QRICH1: variants seen among roughly 807,000 people sequenced by gnomAD.
The protein encoded by QRICH1 is transcriptional regulator QRICH1.
In QRICH1, 16 loss-of-function variants were observed where a neutral mutation model predicts 87.1. That is an observed-to-expected ratio of 0.18 (90% confidence interval 0.12 to 0.28). The LOEUF is 0.28. QRICH1 is among the 10% of genes least tolerant of loss of function. The pLI is 1.00. For missense variants in QRICH1, 647 were observed against 951.7 expected, an observed-to-expected ratio of 0.68 and a Z score of 4.21; for synonymous variants, 367 against 368.4, an observed-to-expected ratio of 1.00 and a Z score of 0.05.
At chr3:49,053,345 G>A (rs1020306367) in intron 3 of QRICH1, among the ~76,000 whole-genome samples, 5 of 151,852 alleles carry the variant, frequency 3.3e-5, no homozygotes, top group African/African-American at 7.3e-5. Context: ...AAAATTAGCC[G>A]GGTGTGGTGG....
intron 2 of QRICH1, among the ~76,000 whole-genome samples, chr3:49,071,866 TACTTTTG>T (rs2041837583): frequency 6.6e-6 from 1 of 152,152 alleles, no homozygotes. Flanking sequence ...TTAATTTTTG[TACTTTTG>T]TACAGACAGG....
intron 6 of QRICH1, among the ~76,000 whole-genome samples, chr3:49,042,469 A>AT (rs1331492598): frequency 6.6e-6 from 1 of 152,222 alleles, no homozygotes; most frequent in Admixed American, 6.5e-5. Context: ...CACATGCCGA[A>AT]TTATTCCAAC....
intron 6 of QRICH1, among the ~76,000 whole-genome samples, chr3:49,040,522 T>C (rs919440221): frequency 6.6e-6 from 1 of 152,224 alleles, no homozygotes; most frequent in African/African-American, 2.4e-5. Flanking sequence ...CTTACTATAG[T>C]GCAAGCTCCA....
At chr3:49,078,434 GC>G (rs1440576114) in intron 1 of QRICH1, among the ~76,000 whole-genome samples, 3 of 98,072 alleles carry the variant, frequency 3.1e-5, no homozygotes, top group African/African-American at 1.2e-4. Flanking sequence ...TCATTCTGTT[GC>G]CCAGGCTGGA....
chr3:49,051,967 T>C (rs2093373715), intron 3 of QRICH1, among the ~76,000 whole-genome samples: 2 of 152,196 alleles, frequency 1.3e-5, no homozygotes, highest in Non-Finnish European at 2.9e-5. Context: ...AAGCTACTCA[T>C]ACAGAGTATT....
chr3:49,092,857 T>C (rs923231399), intron 1 of QRICH1, among the ~76,000 whole-genome samples: 3 of 152,214 alleles, frequency 2.0e-5, no homozygotes, highest in Admixed American at 1.3e-4. Flanking sequence ...AAAGCACTGA[T>C]TCTCAGGTTG....
rs1236702036 is a variant in QRICH1 at position 49,032,715 on chromosome 3, G to T, written c.1954C>A (p.Arg652=). 1 of 1,611,400 alleles carries T rather than the reference G, an allele frequency of 6.2e-7. No individual in the cohort carries two copies. Among genetic ancestry groups the T allele is most frequent in the African/African-American group, 1.3e-5 (1 of 74,868 alleles). ...HMKLAFSKVL[R]QTKKNPSNPK... is the part of the protein sequence containing the mutation. ...TTAGAGGGGTTCTTCTTTGTCTGTC[G>T]CAAGACCTTGGAGAAGGCCAGCTTC... Residue 652 remains arginine, a synonymous_variant, in exon 8 of 10, where the codon CGA becomes AGA. Transcript: ENST00000395443.
intron 2 of QRICH1, among the ~76,000 whole-genome samples, chr3:49,058,544 T>C (rs1168908526): frequency 6.6e-6 from 1 of 152,170 alleles, no homozygotes; most frequent in Non-Finnish European, 1.5e-5. Context: ...CAAGCTAATC[T>C]TGAACTCCTG....
intron 3 of QRICH1, among the ~76,000 whole-genome samples, chr3:49,049,686 C>G (rs946781697): frequency 6.6e-6 from 1 of 151,206 alleles, no homozygotes; most frequent in Non-Finnish European, 1.5e-5. Context: ...TTAGTAGAGA[C>G]GGGGTTTCAC....
In QRICH1 at chr3:49,057,667, T is replaced by C. The variant is rs2106906635; in HGVS notation, c.533A>G (p.Gln178Arg). ...QIQVQHVQAA[Q>R]QIQAAEIPEE... ...CGGGATTTCTGCAGCCTGGATCTGC[T>C]GGGCTGCTTGCACGTGCTGCACCTG... Residue 178 changes from glutamine (Q) to arginine (R), a missense_variant, in exon 3 of 10, where the codon CAG becomes CGG. Coordinates refer to ENST00000395443, the MANE Select transcript of QRICH1 (RefSeq NM_198880.3). This position sits in a 1 kb window ranked among gnomAD's most constrained non-coding sequence, Gnocchi z 5.4. 1 of 1,614,204 alleles carries C rather than the reference T, an allele frequency of 6.2e-7. No individual in the cohort carries two copies. Among genetic ancestry groups the C allele is most frequent in the African/African-American group, 1.3e-5 (1 of 75,066 alleles).
In QRICH1 at chr3:49,032,699, T is replaced by C. The variant is rs536476659; in HGVS notation, c.1970A>G (p.Asn657Ser). 5.0e-6 allele frequency: 8 copies of C among 1,612,682 alleles called. No individual in the cohort carries two copies. In the Admixed American group the frequency reaches 6.7e-5, roughly 14 times the overall value. Residue 657 changes from asparagine (N) to serine (S), a missense_variant, in exon 8 of 10, where the codon AAC (asparagine) becomes AGC (serine). Asn to Ser is a conservative substitution (Grantham distance 46, BLOSUM62 1). Coordinates refer to ENST00000395443, the MANE Select transcript of QRICH1 (RefSeq NM_198880.3). ...GCTTTTATCCTTGGGATTAGAGGGG[T>C]TCTTCTTTGTCTGTCGCAAGACCTT... The part of the protein sequence containing the change: ...FSKVLRQTKK[N>S]PSNPKDKSTS...
intron 1 of QRICH1, among the ~76,000 whole-genome samples, chr3:49,081,521 G>A (rs1260492033): frequency 6.6e-6 from 1 of 151,994 alleles, no homozygotes; most frequent in Non-Finnish European, 1.5e-5. Context: ...GGTTTCTTTA[G>A]ACAAGGTCTT....
At chr3:49,081,499 T>C (rs2042058843) in intron 1 of QRICH1, among the ~76,000 whole-genome samples, 1 of 152,094 alleles carries the variant, frequency 6.6e-6, no homozygotes, top group Non-Finnish European at 1.5e-5. Context: ...ACACCCCTGA[T>C]TTTTTGTTGT....
At chr3:49,064,778 G>T (rs1006033716) in intron 2 of QRICH1, among the ~76,000 whole-genome samples, 2 of 152,138 alleles carry the variant, frequency 1.3e-5, no homozygotes, top group Admixed American at 6.6e-5. Flanking sequence ...CACTTTGGGA[G>T]GCCAAGGCAG....
intron 5 of QRICH1, among the ~76,000 whole-genome samples, chr3:49,044,948 G>C (rs1157885199): frequency 2.0e-5 from 3 of 151,994 alleles, no homozygotes; most frequent in African/African-American, 7.3e-5. Context: ...ATAGTACTTA[G>C]GTTAGGACCA....
chr3:49,072,254 G>A (rs995821200), intron 2 of QRICH1, among the ~76,000 whole-genome samples: 5 of 152,178 alleles, frequency 3.3e-5, no homozygotes, highest in Admixed American at 3.3e-4. Flanking sequence ...CTGCACTCTA[G>A]TCTGGGCAAC....
chr3:49,038,755 C>T (rs560877388), intron 6 of QRICH1, among the ~76,000 whole-genome samples: 3 of 152,252 alleles, frequency 2.0e-5, no homozygotes, highest in East Asian at 1.9e-4. Context: ...AGCCGGGCTC[C>T]GTAGTTCACG....
intron 2 of QRICH1, among the ~76,000 whole-genome samples, chr3:49,070,900 C>T (rs1203339012): frequency 6.6e-6 from 1 of 152,064 alleles, no homozygotes; most frequent in South Asian, 2.1e-4. Flanking sequence ...ATAGTGATCT[C>T]GGTCAGTGGC....
At chr3:49,066,652 G>A (rs977561151) in intron 2 of QRICH1, among the ~76,000 whole-genome samples, 2 of 151,808 alleles carry the variant, frequency 1.3e-5, no homozygotes, top group Non-Finnish European at 2.9e-5. Flanking sequence ...TTTTAGTTGA[G>A]ACAAGGTTTC....
Sources: allele counts gnomAD v4.1 joint callset (sites outside exome capture counted in the v4.1 genomes callset), GRCh38; gene constraint gnomAD v4.1.1; non-coding constraint Gnocchi (gnomAD v3.1); transcripts MANE v1.5; gene names NCBI Gene and HGNC (gene_info 2026-07-23, HGNC 2026-07-21).